The following CDK12 variants were observed in gnomAD, a reference collection of about 807,000 sequenced individuals.
The protein encoded by CDK12 is cyclin-dependent kinase 12.
In CDK12, 17 loss-of-function variants were observed where a neutral mutation model predicts 133.8. The observed-to-expected ratio is 0.13, with a 90% CI of 0.09 to 0.19. CDK12 has a LOEUF of 0.19. CDK12 is among the 10% of genes least tolerant of loss of function. The pLI, the probability that CDK12 is intolerant of heterozygous loss-of-function variation, is 1.00. For synonymous variants in CDK12, 694 were observed against 683.6 expected, an observed-to-expected ratio of 1.02 and a Z score of -0.24; for missense variants, 1,508 against 1,818.7, an observed-to-expected ratio of 0.83 and a Z score of 3.11.
At chr17:39,557,388 C>G (rs2056200166) in intron 3 of CDK12, among the ~76,000 whole-genome samples, 1 of 152,162 alleles carries the variant, frequency 6.6e-6, no homozygotes, top group Admixed American at 6.5e-5. Context: ...TACACATCTT[C>G]TAGTTTGACA....
chr17:39,506,035 A>C (rs2053097594), intron 6 of CDK12, among the ~76,000 whole-genome samples: 1 of 152,084 alleles, frequency 6.6e-6, no homozygotes, highest in Non-Finnish European at 1.5e-5. Flanking sequence ...AGTAAGTGTA[A>C]GAGGGTAGGG....
At chr17:39,477,866 C>T (rs1567698818) in intron 2 of CDK12, among the ~76,000 whole-genome samples, 2 of 152,080 alleles carry the variant, frequency 1.3e-5, no homozygotes, top group Non-Finnish European at 2.9e-5. Context: ...AGCCACTGCA[C>T]CCCGCCTATT....
chr17:39,502,104 A>G (rs1175733521), intron 6 of CDK12, among the ~76,000 whole-genome samples: 1 of 150,794 alleles, frequency 6.6e-6, no homozygotes, highest in Non-Finnish European at 1.5e-5. Flanking sequence ...CAGCCTCCCA[A>G]ACTGCTGGGA....
rs371400778 is a variant in CDK12, at chr17:39,555,018, C to T, written n.357-1268C>T. Among the ~76,000 whole-genome samples, 447 of 151,834 alleles carry T rather than the reference C, an allele frequency of 2.9e-3. 3 individuals carry two copies. In the Middle Eastern group the frequency reaches 0.061, roughly 21 times the overall value. On this transcript the variant is annotated intron_variant and non_coding_transcript_variant, in intron 2 of 3. Transcript: ENST00000558240. ...TAATCCCAGCACTTTGGGAGGCCGA[C>T]GCAGGCGGATCACAAGGTCAGGAGA... is the stretch of plus-strand genomic sequence containing the variant.
intron 2 of CDK12, among the ~76,000 whole-genome samples, chr17:39,485,710 C>G (rs1349342177): frequency 6.6e-6 from 1 of 151,248 alleles, no homozygotes; most frequent in Non-Finnish European, 1.5e-5. Flanking sequence ...CTGTGCCTGG[C>G]CCCTGTCTCT....
chr17:39,562,170 C>T (rs1456565808), intron 3 of CDK12, among the ~76,000 whole-genome samples: 1 of 152,086 alleles, frequency 6.6e-6, no homozygotes, highest in Non-Finnish European at 1.5e-5. Flanking sequence ...AAACTTCTGA[C>T]CTCGTGATCC....
chr17:39,480,974 C>A (rs2050595803), intron 2 of CDK12, among the ~76,000 whole-genome samples: 1 of 152,076 alleles, frequency 6.6e-6, no homozygotes. Context: ...AGTTAACCAG[C>A]CGGGAGTGGT....
Position 39,463,006 on chromosome 17 carries a change from G to A in CDK12, c.935G>A (p.Ser312Asn), listed in dbSNP as rs1205938114. The A allele has an allele frequency of 6.2e-7, 1 of 1,614,086 alleles. No homozygotes were observed. Among genetic ancestry groups the A allele is most frequent in the Non-Finnish European group, 8.5e-7 (1 of 1,180,042 alleles). Residue 312 changes from serine to asparagine, a missense_variant, in exon 1 of 14, where the codon AGC becomes AAC. This residue lies in a region of CDK12 where 460 missense variants were observed against 490.8 expected (regional missense o/e 0.94). Coordinates refer to ENST00000447079, the MANE Select transcript of CDK12 (RefSeq NM_016507.4). ...CCCTATAGCAGGAGACGGTCGTCCA[G>A]CTACGAAAGAAGTGGCTCTTACAGC... is the stretch of plus-strand genomic sequence containing the variant. ...VSPYSRRRSS[S>N]YERSGSYSGR...
intron 2 of CDK12, among the ~76,000 whole-genome samples, chr17:39,489,129 G>A (rs1411789560): frequency 4.7e-5 from 7 of 149,106 alleles, no homozygotes; most frequent in Admixed American, 3.4e-4. Context: ...CTCTCCGGCT[G>A]GAGTGCAGTG....
At position 39,481,657 on chromosome 17, in the gene CDK12, TC is replaced by T. The variant is rs1567706259; in HGVS notation, c.1932-8899del. Among the ~76,000 whole-genome samples, 76 of 12,988 alleles carry T rather than the reference TC, an allele frequency of 5.9e-3. 1 individual carries two copies. Among genetic ancestry groups the T allele is most frequent in the Non-Finnish European group, 8.7e-3 (37 of 4,250 alleles). The allele number at this position is 12,988 out of a possible 152,430, so 8.5% of individuals were successfully genotyped here. A position where few individuals can be genotyped will look rare whatever the true frequency, so the allele number is the denominator to read the frequency against. ...CGCTCTCTCTCTCTCTCTCTCTCTC[TC>T]TCTCTCTCTCTCTCTCTCTCTCTCT... On this transcript the variant is annotated intron_variant, in intron 2 of 13. Transcript: ENST00000447079.
chr17:39,469,815 T>TTAGTG (rs1206739536), intron 1 of CDK12, among the ~76,000 whole-genome samples: 1 of 151,892 alleles, frequency 6.6e-6, no homozygotes, highest in Non-Finnish European at 1.5e-5. Flanking sequence ...TTTTGTATTT[T>TTAGTG]TAGTAGAGAC....
chr17:39,554,787 G>C (rs2056086397), intron 2 of CDK12, among the ~76,000 whole-genome samples: 1 of 152,008 alleles, frequency 6.6e-6, no homozygotes, highest in Admixed American at 6.6e-5. Flanking sequence ...GCTGAGGCAG[G>C]AGAATCGCTT....
At chr17:39,475,554 T>TC (rs1179532718) in intron 2 of CDK12, among the ~76,000 whole-genome samples, 1 of 151,840 alleles carries the variant, frequency 6.6e-6, no homozygotes, top group East Asian at 1.9e-4. Flanking sequence ...GAAATTTTTT[T>TC]TTTTTTTTTT....
chr17:39,476,146 C>G (rs537250040), intron 2 of CDK12, among the ~76,000 whole-genome samples: 1 of 151,062 alleles, frequency 6.6e-6, no homozygotes, highest in South Asian at 2.1e-4. Flanking sequence ...GATAGATTCT[C>G]TCTCCATAGC....
intron 3 of CDK12, 142 bp from the exon 4 acceptor site, chr17:39,492,609 C>T (rs991184569): frequency 1.1e-5 from 6 of 526,942 alleles, no homozygotes; most frequent in African/African-American, 7.9e-5. Context: ...CGGGGTTTCA[C>T]CATGTTAGCC....
At chr17:39,489,587 G>A (rs891704608) in intron 2 of CDK12, among the ~76,000 whole-genome samples, 4 of 150,372 alleles carry the variant, frequency 2.7e-5, no homozygotes, top group Admixed American at 1.3e-4. Flanking sequence ...TCACTGGAAC[G>A]ATTCAAGCAA....
intron 6 of CDK12, among the ~76,000 whole-genome samples, chr17:39,505,942 G>A (rs967319390): frequency 2.0e-5 from 3 of 152,134 alleles, no homozygotes; most frequent in Non-Finnish European, 4.4e-5. Context: ...ATAGATGGAA[G>A]TAAGTTTACT....
At position 39,461,975 on chromosome 17, in the gene CDK12, T is replaced by C. The variant is rs2048989389; in HGVS notation, c.-97T>C. On this transcript the variant is annotated 5_prime_UTR_variant, in exon 1 of 14. Coordinates refer to ENST00000447079, the MANE Select transcript of CDK12 (RefSeq NM_016507.4). ...CCTCCCCACCCCCTTCCCGGGGCGCTTTGGTGGGCGTGGAGTTGGGGTTGG... is the reference window on the plus strand; with the variant it reads ...CCTCCCCACCCCCTTCCCGGGGCGCCTTGGTGGGCGTGGAGTTGGGGTTGG... 1 of 889,220 alleles carries C rather than the reference T, an allele frequency of 1.1e-6. No homozygotes were observed. The highest frequency in any genetic ancestry group is 1.6e-6 in the Non-Finnish European group (1 of 610,058). 55.1% of individuals were successfully genotyped at this position (889,220 alleles called of 1,614,324 possible).
intron 5 of CDK12, among the ~76,000 whole-genome samples, chr17:39,495,735 C>T (rs1400907129): frequency 2.7e-5 from 4 of 146,268 alleles, no homozygotes; most frequent in South Asian, 2.2e-4. Flanking sequence ...GCGGAGCTTG[C>T]GGTGAGCCAA....
Sources: gnomAD v4.1 joint callset for allele counts (sites outside exome capture counted in the v4.1 genomes callset) on GRCh38, gnomAD v4.1.1 for gene constraint, gnomAD v4.1.1 regional missense constraint, MANE v1.5 for transcripts, NCBI Gene and HGNC (gene_info 2026-07-23, HGNC 2026-07-21) for gene names.